Variants in MAGI1 observed in about 807,000 individuals in gnomAD.
MAGI1 encodes membrane associated guanylate kinase, WW and PDZ domain containing 1.
Under a neutral mutation model 139.9 loss-of-function variants are expected in MAGI1, and 58 were observed. That is an observed-to-expected ratio of 0.41 (90% CI 0.34 to 0.52). The LOEUF (loss-of-function observed/expected upper bound fraction) is 0.52, where lower values mean the gene tolerates loss of function less well. Among genes scored for constraint, MAGI1 ranks in the 20% least tolerant of loss-of-function variants. The pLI is 0.12. For synonymous variants in MAGI1, 812 were observed against 737.9 expected, an observed-to-expected ratio of 1.10 and a Z score of -1.63; for missense variants, 1,874 against 1,901.6, an observed-to-expected ratio of 0.99 and a Z score of 0.27.
intron 1 of MAGI1, among the ~76,000 whole-genome samples, chr3:65,867,772 G>A (rs1220428355): frequency 6.6e-6 from 1 of 151,978 alleles, no homozygotes; most frequent in Admixed American, 6.6e-5. Context: ...GTGGGAGTGG[G>A]GGTATGAGTG....
chr3:65,448,355 C>G, intron 6 of MAGI1: 1 of 506,420 alleles, frequency 2.0e-6, no homozygotes, highest in South Asian at 2.2e-5. Flanking sequence ...TTTCAATGTT[C>G]TTAAGTGGGA....
chr3:65,870,716 G>GAGA (rs1553721167), intron 1 of MAGI1, among the ~76,000 whole-genome samples: 6 of 124,998 alleles, frequency 4.8e-5, no homozygotes, highest in African/African-American at 8.6e-5. Flanking sequence ...CCATTTTAGT[G>GAGA]AAAAAAAAAA....
intron 18 of MAGI1, among the ~76,000 whole-genome samples, chr3:65,369,926 TA>T (rs1415465841): frequency 6.6e-6 from 1 of 152,014 alleles, no homozygotes; most frequent in Non-Finnish European, 1.5e-5. Context: ...AATATTCGAG[TA>T]AAAAATCTGA....
chr3:65,989,310 G>A (rs111910980), intron 1 of MAGI1, among the ~76,000 whole-genome samples: 9 of 152,164 alleles, frequency 5.9e-5, no homozygotes, highest in South Asian at 2.1e-4. Context: ...CTGGCTGCAC[G>A]CTAGACTTGT....
chr3:65,461,001 A>G (rs1399193636), intron 5 of MAGI1, among the ~76,000 whole-genome samples: 1 of 152,178 alleles, frequency 6.6e-6, no homozygotes, highest in Non-Finnish European at 1.5e-5. Flanking sequence ...TAGGGCTGCA[A>G]TAAACATACG....
At position 65,824,646 on chromosome 3, in the gene MAGI1, CAA is replaced by C. The variant is rs2042128476; in HGVS notation, c.314-202560_314-202559del. On this transcript the variant is annotated intron_variant, in intron 1 of 22. Transcript: ENST00000402939. ...AACATTAATGAATTCATGAATTGAACAAAGAGACACAGTAGCCCTCCATTCCC... is the reference window on the plus strand; with the variant it reads ...AACATTAATGAATTCATGAATTGAACAGAGACACAGTAGCCCTCCATTCCC... Among the ~76,000 whole-genome samples the C allele has an allele frequency of 2.0e-5, 3 of 152,266 alleles. No individual in the cohort carries two copies. In the South Asian group the frequency reaches 6.2e-4, roughly 32 times the overall value.
At chr3:65,484,851 C>T (rs1951528138) in intron 3 of MAGI1, among the ~76,000 whole-genome samples, 1 of 152,184 alleles carries the variant, frequency 6.6e-6, no homozygotes, top group Admixed American at 6.5e-5. Flanking sequence ...CAAGGAACCA[C>T]ATACCTCCCC....
chr3:65,774,691 T>C (rs1390952757), intron 1 of MAGI1, among the ~76,000 whole-genome samples: 1 of 152,142 alleles, frequency 6.6e-6, no homozygotes, highest in Non-Finnish European at 1.5e-5. Context: ...TGTTTTCCTA[T>C]TTGGTGATGA....
intron 2 of MAGI1, among the ~76,000 whole-genome samples, chr3:65,573,493 T>G (rs2081047645): frequency 6.6e-6 from 1 of 151,910 alleles, no homozygotes; most frequent in African/African-American, 2.4e-5. Flanking sequence ...GTCCTCTCAG[T>G]AGACACAGAA....
At chr3:66,025,855 T>A (rs1307331097) in intron 1 of MAGI1, among the ~76,000 whole-genome samples, 2 of 152,198 alleles carry the variant, frequency 1.3e-5, no homozygotes, top group African/African-American at 4.8e-5. Flanking sequence ...AGAAAAAATT[T>A]AAATTTCACC....
At chr3:65,869,234 T>A (rs1159451812) in intron 1 of MAGI1, among the ~76,000 whole-genome samples, 6 of 133,136 alleles carry the variant, frequency 4.5e-5, no homozygotes, top group Non-Finnish European at 1.5e-5. Context: ...CCAGCCTGGG[T>A]GACAGAGCGA....
chr3:65,890,297 G>A (rs774516284), intron 1 of MAGI1, among the ~76,000 whole-genome samples: 12 of 152,088 alleles, frequency 7.9e-5, no homozygotes, highest in Non-Finnish European at 1.3e-4. Context: ...CCCAGGAGGC[G>A]GAGCTTGCAG....
At chr3:65,660,428 G>A (rs2086129617) in intron 1 of MAGI1, among the ~76,000 whole-genome samples, 1 of 152,210 alleles carries the variant, frequency 6.6e-6, no homozygotes. Context: ...TTGTCTAGGG[G>A]CACAGACAAT....
intron 1 of MAGI1, among the ~76,000 whole-genome samples, chr3:65,914,614 C>T (rs2061814690): frequency 6.6e-6 from 1 of 152,130 alleles, no homozygotes; most frequent in South Asian, 2.1e-4. Context: ...CACAGGCTAC[C>T]AGTTTGAGAG....
chr3:65,949,004 A>G (rs1208279291), intron 1 of MAGI1, among the ~76,000 whole-genome samples: 2 of 152,202 alleles, frequency 1.3e-5, no homozygotes, highest in Non-Finnish European at 2.9e-5. Flanking sequence ...CACAGAGAAA[A>G]AGACAGGCAA....
intron 11 of MAGI1, among the ~76,000 whole-genome samples, chr3:65,430,378 T>C (rs1947362587): frequency 6.6e-6 from 1 of 151,470 alleles, no homozygotes; most frequent in Non-Finnish European, 1.5e-5. Context: ...AGCTTTCTCC[T>C]AAAAAAAAAT....
intron 1 of MAGI1, among the ~76,000 whole-genome samples, chr3:65,965,701 C>T (rs1030313084): frequency 9.2e-5 from 14 of 151,640 alleles, no homozygotes; most frequent in Non-Finnish European, 1.9e-4. Flanking sequence ...GTTTTTGAGA[C>T]GGAGTCTTAC....
At chr3:65,399,551 G>T (rs1944685138) in intron 13 of MAGI1, among the ~76,000 whole-genome samples, 2 of 152,246 alleles carry the variant, frequency 1.3e-5, no homozygotes, top group East Asian at 3.9e-4. Context: ...CCAAGCTGGG[G>T]GCTTATTATT....
At chr3:65,893,625 A>G (rs2060854668) in intron 1 of MAGI1, among the ~76,000 whole-genome samples, 1 of 152,220 alleles carries the variant, frequency 6.6e-6, no homozygotes, top group Non-Finnish European at 1.5e-5. Flanking sequence ...ATTTTGCCCC[A>G]GGTTACACAG....
Sources: allele counts gnomAD v4.1 joint callset (sites outside exome capture counted in the v4.1 genomes callset), GRCh38; gene constraint gnomAD v4.1.1; transcripts MANE v1.5; gene names NCBI Gene and HGNC (gene_info 2026-07-23, HGNC 2026-07-21).